TCF4: variants seen among roughly 807,000 people sequenced by gnomAD.
TCF4 encodes SL3-3 enhancer factor 2.
Under a neutral mutation model 82.1 loss-of-function variants are expected in TCF4, and 3 were observed. The observed-to-expected ratio is 0.04, with a 90% CI of 0.02 to 0.09. TCF4 has a LOEUF of 0.09. Ranked by LOEUF, TCF4 falls within the 10% of genes least tolerant of loss-of-function variation. TCF4 has a pLI of 1.00. For synonymous variants in TCF4, 276 were observed against 309.6 expected (o/e 0.89, Z 1.14); for missense variants, 518 against 852.7 (o/e 0.61, Z 4.89).
intron 8 of TCF4, among the ~76,000 whole-genome samples, chr18:55,317,810 A>G (rs2074515817): frequency 6.6e-6 from 1 of 152,092 alleles, no homozygotes; most frequent in African/African-American, 2.4e-5. Flanking sequence ...TCGTAACATT[A>G]TTTTATTCTT....
upstream of TCF4, among the ~76,000 whole-genome samples, chr18:55,592,923 G>T (rs1299281609): frequency 6.6e-6 from 1 of 152,164 alleles, no homozygotes; most frequent in African/African-American, 2.4e-5. Flanking sequence ...TTACTATGAG[G>T]AGTCCAGTAT....
intron 3 of TCF4, among the ~76,000 whole-genome samples, chr18:55,505,663 G>T (rs1326892123): frequency 2.0e-5 from 3 of 151,704 alleles, no homozygotes; most frequent in East Asian, 3.9e-4. Flanking sequence ...AATTAGCCGG[G>T]CGTAGTGGCG....
At chr18:55,595,514 C>A (rs2097689993) in intron 2 of TCF4, among the ~76,000 whole-genome samples, 1 of 152,150 alleles carries the variant, frequency 6.6e-6, no homozygotes, top group African/African-American at 2.4e-5. Flanking sequence ...TTTTAGAAAT[C>A]AAGTCATACA....
At chr18:55,362,926 C>A (rs948092846) in intron 6 of TCF4, among the ~76,000 whole-genome samples, 2 of 152,088 alleles carry the variant, frequency 1.3e-5, no homozygotes, top group African/African-American at 4.8e-5. Flanking sequence ...TTCTAAAAGA[C>A]CGAAATAATC....
chr18:55,330,863 G>A (rs1314074105), intron 8 of TCF4, among the ~76,000 whole-genome samples: 1 of 151,878 alleles, frequency 6.6e-6, no homozygotes, highest in Non-Finnish European at 1.5e-5. Flanking sequence ...AACTGCCTGA[G>A]TAAGTTCTAG....
rs1461807537 is a variant in TCF4 at position 55,225,771 on chromosome 18, T to G, written c.*2264A>C. ...TTTTCATGAAGTTTGATTTCTGCTA[T>G]TCTCCTAAGGTTTTAATCCACCTCC... On this transcript the variant is annotated 3_prime_UTR_variant, in exon 20 of 20. Coordinates refer to ENST00000354452, the MANE Select transcript of TCF4 (RefSeq NM_001083962.2). The G allele has an allele frequency of 1.3e-5, 2 of 152,616 alleles. No homozygotes were observed. Among genetic ancestry groups the G allele is most frequent in the African/African-American group, 4.8e-5 (2 of 41,470 alleles). 9.5% of individuals were successfully genotyped at this position (152,616 alleles called of 1,614,324 possible). A position where few individuals can be genotyped will look rare whatever the true frequency, so the allele number is the denominator to read the frequency against.
intron 3 of TCF4, among the ~76,000 whole-genome samples, chr18:55,576,945 G>A (rs1022547696): frequency 3.3e-5 from 5 of 151,320 alleles, no homozygotes; most frequent in African/African-American, 1.2e-4. Flanking sequence ...GTAGCCCAGG[G>A]AAGCCAAAAT....
At chr18:55,302,162 C>T (rs1181279934) in intron 8 of TCF4, among the ~76,000 whole-genome samples, 8 of 152,210 alleles carry the variant, frequency 5.3e-5, no homozygotes, top group South Asian at 2.1e-4. Context: ...CAAGGACCCT[C>T]GGCCACGAGG....
At chr18:55,333,726 A>C (rs1381688398) in intron 8 of TCF4, among the ~76,000 whole-genome samples, 4 of 152,132 alleles carry the variant, frequency 2.6e-5, no homozygotes, top group Non-Finnish European at 5.9e-5. Context: ...CTCAATTGCG[A>C]TTATCCCTTT....
intron 3 of TCF4, among the ~76,000 whole-genome samples, chr18:55,577,723 C>G (rs1429957519): frequency 6.6e-6 from 1 of 151,972 alleles, no homozygotes; most frequent in Non-Finnish European, 1.5e-5. Flanking sequence ...GCTAAGTACC[C>G]CCCAAAAGAA....
intron 13 of TCF4, among the ~76,000 whole-genome samples, chr18:55,258,166 C>T (rs2057291612): frequency 6.6e-6 from 1 of 152,110 alleles, no homozygotes; most frequent in Admixed American, 6.6e-5. Flanking sequence ...TCCACTCTTC[C>T]TGTCTTTTCT....
At chr18:55,523,923 T>C (rs1362733334) in intron 3 of TCF4, among the ~76,000 whole-genome samples, 2 of 152,148 alleles carry the variant, frequency 1.3e-5, no homozygotes, top group Non-Finnish European at 2.9e-5. Context: ...AATATTCCAA[T>C]TGTTCTAGTA....
upstream of TCF4, chr18:55,590,998 C>T (rs1042731988): frequency 6.6e-6 from 1 of 152,200 alleles, no homozygotes; most frequent in Non-Finnish European, 1.5e-5. Context: ...TGATAACAGT[C>T]CACATTCAAC....
rs918849291 is a variant in TCF4, at chr18:55,222,489, A to G, written c.*5546T>C. 1.3e-5 allele frequency: 2 copies of G among 152,526 alleles called. No individual in the cohort carries two copies. Among genetic ancestry groups the G allele is most frequent in the African/African-American group, 4.8e-5 (2 of 41,416 alleles). 9.4% of individuals were successfully genotyped at this position (152,526 alleles called of 1,614,324 possible). A position where few individuals can be genotyped will look rare whatever the true frequency, so the allele number is the denominator to read the frequency against. On this transcript the variant is annotated 3_prime_UTR_variant, in exon 20 of 20. Transcript: ENST00000354452. ...ACAGTCCAACCAAAAACGAAAAAAAAAAAAATCCCAACATTTGGCTATGGA... is the reference window on the plus strand; with the variant it reads ...ACAGTCCAACCAAAAACGAAAAAAAGAAAAATCCCAACATTTGGCTATGGA...
At chr18:55,514,864 C>T (rs2096865703) in intron 3 of TCF4, among the ~76,000 whole-genome samples, 1 of 152,050 alleles carries the variant, frequency 6.6e-6, no homozygotes, top group Admixed American at 6.6e-5. Context: ...ATAATGCATA[C>T]ATCATCTGAT....
At chr18:55,321,587 A>C in intron 8 of TCF4, 1 of 1,533,268 alleles carries the variant, frequency 6.5e-7, no homozygotes, top group Non-Finnish European at 8.7e-7. Flanking sequence ...ACAACTTTGC[A>C]AACAATGATC....
chr18:55,377,963 G>A (rs1603420572), intron 6 of TCF4, among the ~76,000 whole-genome samples: 1 of 152,174 alleles, frequency 6.6e-6, no homozygotes, highest in East Asian at 1.9e-4. Context: ...TAATGTTACT[G>A]TGCCATTTTG....
intron 5 of TCF4, among the ~76,000 whole-genome samples, chr18:55,435,010 C>A (rs1274310363): frequency 6.6e-6 from 1 of 151,814 alleles, no homozygotes; most frequent in Non-Finnish European, 1.5e-5. Flanking sequence ...CCTGTTGTGC[C>A]ATCAAATACT....
intron 6 of TCF4, among the ~76,000 whole-genome samples, chr18:55,372,779 A>G (rs1254341045): frequency 1.3e-5 from 2 of 152,330 alleles, no homozygotes; most frequent in East Asian, 3.9e-4. Context: ...CAACCTCAAC[A>G]TGAGAGGTAA....
Sources: allele counts gnomAD v4.1 joint callset (sites outside exome capture counted in the v4.1 genomes callset), GRCh38; gene constraint gnomAD v4.1.1; transcripts MANE v1.5; gene names NCBI Gene and HGNC (gene_info 2026-07-23, HGNC 2026-07-21).